FILIP1L: variants seen among roughly 807,000 people sequenced by gnomAD.
The protein encoded by FILIP1L is filamin A interacting protein 1 like.
FILIP1L carries 55 observed loss-of-function variants against 96.6 expected under a neutral mutation model. That is an observed-to-expected ratio of 0.57 (90% CI 0.46 to 0.71). FILIP1L has a LOEUF of 0.71. Ranked by LOEUF, FILIP1L falls within the 30% of genes least tolerant of loss-of-function variation. The pLI, the probability that FILIP1L is intolerant of heterozygous loss-of-function variation, is 0.00. For missense variants in FILIP1L, 1,304 were observed against 1,321.2 expected, an observed-to-expected ratio of 0.99 and a Z score of 0.20; for synonymous variants, 467 against 473.9, an observed-to-expected ratio of 0.99 and a Z score of 0.19.
In FILIP1L at chr3:99,849,861, G is replaced by T; in HGVS notation, c.1815C>A (p.Asn605Lys). ...LEAIEKDFLK[N>K]KLNQDSGKST... is the part of the protein sequence containing the mutation. ...ATTTCCCAGAGTCTTGATTTAATTT[G>T]TTTTTTAGGAAATCTTTCTCAATTG... The change falls in exon 5 of 6, where the codon AAC becomes AAA. Residue 605 changes from asparagine to lysine, a missense_variant. Transcript: ENST00000477258. 1 of 1,610,792 alleles carries T rather than the reference G, an allele frequency of 6.2e-7. No individual in the cohort carries two copies.
At chr3:100,112,122 T>C (rs1576077393) in intron 1 of FILIP1L, among the ~76,000 whole-genome samples, 1 of 152,198 alleles carries the variant, frequency 6.6e-6, no homozygotes, top group East Asian at 1.9e-4. Context: ...GTTCCCCTAA[T>C]ATAACTAAAC....
intron 1 of FILIP1L, among the ~76,000 whole-genome samples, chr3:100,062,417 G>A (rs1166547026): frequency 6.6e-6 from 1 of 151,986 alleles, no homozygotes; most frequent in East Asian, 1.9e-4. Flanking sequence ...GGTCTATCCT[G>A]TCTTCTTTTA....
At position 100,112,890 on chromosome 3, in the gene FILIP1L, T is replaced by C. The variant is rs577355758; in HGVS notation, c.-11+1163A>G. Among the ~76,000 whole-genome samples the C allele has an allele frequency of 4.6e-5, 7 of 152,368 alleles. No individual in the cohort carries two copies. In the South Asian group the frequency reaches 6.2e-4, roughly 14 times the overall value. ...CTGATAAATGTAGAGAAATGTTTAC[T>C]TGGAATATTTGGCTTTGGGAGATAG... On this transcript the variant is annotated intron_variant, in intron 1 of 5. Transcript: ENST00000477258.
At chr3:99,839,497 A>G (rs1943036901) in intron 5 of FILIP1L, among the ~76,000 whole-genome samples, 1 of 152,190 alleles carries the variant, frequency 6.6e-6, no homozygotes, top group Non-Finnish European at 1.5e-5. Context: ...AGAAAGGTCT[A>G]AACAGTAGAG....
At chr3:100,108,262 G>A (rs552216017) in intron 1 of FILIP1L, among the ~76,000 whole-genome samples, 9 of 152,198 alleles carry the variant, frequency 5.9e-5, no homozygotes, top group African/African-American at 9.6e-5. Flanking sequence ...AACTGACCAC[G>A]TTGTCAAGAC....
intron 4 of FILIP1L, among the ~76,000 whole-genome samples, chr3:99,899,932 G>A (rs1706381879): frequency 6.6e-6 from 1 of 152,192 alleles, no homozygotes. Flanking sequence ...GCTGTTACTA[G>A]TACATTCCTA....
chr3:100,071,164 A>C (rs562504292), intron 1 of FILIP1L, among the ~76,000 whole-genome samples: 5 of 114,970 alleles, frequency 4.3e-5, no homozygotes, highest in African/African-American at 1.7e-4. Flanking sequence ...ATTACCCCCT[A>C]TTTCAGACAT....
intron 1 of FILIP1L, among the ~76,000 whole-genome samples, chr3:100,066,089 C>G (rs894168177): frequency 3.3e-5 from 5 of 152,174 alleles, no homozygotes; most frequent in Non-Finnish European, 7.4e-5. Flanking sequence ...GAGAGATGGT[C>G]TTTACTCTTT....
intron 5 of FILIP1L, among the ~76,000 whole-genome samples, chr3:99,847,017 G>A (rs1943395080): frequency 1.3e-5 from 2 of 152,110 alleles, no homozygotes; most frequent in South Asian, 4.1e-4. Flanking sequence ...ACTCCCATGA[G>A]GCAGATATCA....
chr3:100,010,621 TTTTTG>T (rs1710119165), intron 1 of FILIP1L, among the ~76,000 whole-genome samples: 1 of 151,086 alleles, frequency 6.6e-6, no homozygotes, highest in South Asian at 2.1e-4. Flanking sequence ...TCTTTTTTTT[TTTTTG>T]TTTTTGGAGA....
intron 5 of FILIP1L, among the ~76,000 whole-genome samples, chr3:99,838,037 G>A (rs149413988): frequency 6.6e-6 from 1 of 152,254 alleles, no homozygotes; most frequent in East Asian, 1.9e-4. Flanking sequence ...TCATCTCTGA[G>A]GCTAATCAGG....
intron 1 of FILIP1L, among the ~76,000 whole-genome samples, chr3:100,058,215 C>T (rs925893191): frequency 3.3e-5 from 5 of 152,246 alleles, no homozygotes; most frequent in Non-Finnish European, 5.9e-5. Context: ...CTATACCCTA[C>T]TGCCTCTCTC....
At chr3:99,874,391 G>T (rs1031053498) in intron 4 of FILIP1L, 1 of 152,026 alleles carries the variant, frequency 6.6e-6, no homozygotes, top group Non-Finnish European at 1.5e-5. Context: ...TCCAATTACC[G>T]CTTATATCAG....
intron 1 of FILIP1L, among the ~76,000 whole-genome samples, chr3:99,935,707 T>C (rs968205142): frequency 6.6e-6 from 1 of 152,226 alleles, no homozygotes; most frequent in Non-Finnish European, 1.5e-5. Flanking sequence ...TTTAGAATTC[T>C]GGGACTCTCT....
chr3:99,969,913 G>C (rs1708764528), intron 1 of FILIP1L, among the ~76,000 whole-genome samples: 1 of 152,186 alleles, frequency 6.6e-6, no homozygotes, highest in South Asian at 2.1e-4. Flanking sequence ...GATATTAGCA[G>C]GGGGACATCA....
intron 1 of FILIP1L, among the ~76,000 whole-genome samples, chr3:99,941,068 A>T (rs1707835904): frequency 6.6e-6 from 1 of 152,262 alleles, no homozygotes; most frequent in Non-Finnish European, 1.5e-5. Context: ...TTGCCTCTGA[A>T]GCATATAAGT....
intron 1 of FILIP1L, among the ~76,000 whole-genome samples, chr3:99,937,255 T>C (rs1001610398): frequency 6.6e-6 from 1 of 152,186 alleles, no homozygotes; most frequent in Non-Finnish European, 1.5e-5. Context: ...TTTTCATATG[T>C]GGACCAATCT....
At chr3:99,965,370 C>T (rs1255392419) in intron 1 of FILIP1L, among the ~76,000 whole-genome samples, 2 of 152,106 alleles carry the variant, frequency 1.3e-5, no homozygotes, top group Non-Finnish European at 2.9e-5. Context: ...TCTCTGTTGC[C>T]CAGTCAGGTG....
At chr3:99,957,693 C>CTCTTTTTTTTTTT (rs1708364535) in intron 1 of FILIP1L, among the ~76,000 whole-genome samples, 2 of 19,904 alleles carry the variant, frequency 1.0e-4, no homozygotes, top group East Asian at 1.8e-3. Context: ...TTCTTTCTTT[C>CTCTTTTTTTTTTT]TTTTTTTTTT....
Sources: allele counts gnomAD v4.1 joint callset (sites outside exome capture counted in the v4.1 genomes callset), GRCh38; gene constraint gnomAD v4.1.1; transcripts MANE v1.5; gene names NCBI Gene and HGNC (gene_info 2026-07-23, HGNC 2026-07-21).